THRAP3: variants seen among roughly 807,000 people sequenced by gnomAD.
THRAP3 encodes the protein thyroid hormone receptor-associated protein 3.
THRAP3 carries 16 observed loss-of-function variants against 101.0 expected under a neutral mutation model. The observed-to-expected ratio is 0.16, with a 90% CI of 0.11 to 0.24. The LOEUF is 0.24. THRAP3 is among the 10% of genes least tolerant of loss of function. The pLI is 1.00. For synonymous variants in THRAP3, 407 were observed against 422.6 expected (o/e 0.96, Z 0.45); for missense variants, 989 against 1,202.7 (o/e 0.82, Z 2.63).
At chr1:36,274,371 C>T (rs1223420479) in intron 2 of THRAP3, among the ~76,000 whole-genome samples, 6 of 152,162 alleles carry the variant, frequency 3.9e-5, no homozygotes, top group African/African-American at 7.2e-5. Context: ...ATTCAGCACA[C>T]ACACTGTCAA....
intron 2 of THRAP3, among the ~76,000 whole-genome samples, chr1:36,273,234 G>A (rs1264022870): frequency 6.6e-6 from 1 of 152,220 alleles, no homozygotes; most frequent in Non-Finnish European, 1.5e-5. Flanking sequence ...AAAGCATGCT[G>A]TCTTCTCAGC....
intron 2 of THRAP3, among the ~76,000 whole-genome samples, chr1:36,277,856 T>C (rs1645680987): frequency 6.6e-6 from 1 of 151,980 alleles, no homozygotes; most frequent in African/African-American, 2.4e-5. Context: ...GCCCCCCAGG[T>C]TCAGTCGATT....
At chr1:36,267,240 G>T (rs1316565574) in intron 2 of THRAP3, among the ~76,000 whole-genome samples, 1 of 152,170 alleles carries the variant, frequency 6.6e-6, no homozygotes, top group Non-Finnish European at 1.5e-5. Flanking sequence ...CACAGTGTAT[G>T]TGTATGTGTG....
chr1:36,238,266 G>T lies in THRAP3; in HGVS notation c.-135+13761G>T, dbSNP rs530332346. Among the ~76,000 whole-genome samples, 3 of 152,234 alleles carry T rather than the reference G, an allele frequency of 2.0e-5. No homozygotes were observed. The South Asian group carries it at 6.2e-4, about 32-fold the overall frequency. ...TTATATGGGTAAAACATCGTGCTCA[G>T]CCTGAACTAGAATTTAGATTAAGTA... On this transcript the variant is annotated intron_variant, in intron 1 of 11. Coordinates refer to ENST00000354618, the MANE Select transcript of THRAP3 (RefSeq NM_005119.4).
intron 2 of THRAP3, among the ~76,000 whole-genome samples, chr1:36,259,983 C>T (rs1051498779): frequency 3.9e-5 from 6 of 152,100 alleles, no homozygotes; most frequent in Non-Finnish European, 8.8e-5. Flanking sequence ...TGGCTCCTGA[C>T]TGTAATCCCA....
intron 2 of THRAP3, among the ~76,000 whole-genome samples, chr1:36,277,239 G>A (rs990599605): frequency 6.6e-6 from 1 of 151,962 alleles, no homozygotes; most frequent in Non-Finnish European, 1.5e-5. Flanking sequence ...AAAGTGCTGG[G>A]ATTGCAGGCA....
chr1:36,223,423 A>G (rs1357550512), upstream of THRAP3, among the ~76,000 whole-genome samples: 1 of 152,212 alleles, frequency 6.6e-6, no homozygotes, highest in Non-Finnish European at 1.5e-5. Flanking sequence ...CGGCTCTCAA[A>G]GAGCTCACAG....
At chr1:36,252,927 CATATATATATAT>C (rs71053916) in intron 1 of THRAP3, among the ~76,000 whole-genome samples, 1,552 of 76,570 alleles carry the variant, frequency 0.02, 24 homozygotes, top group African/African-American at 0.036. Flanking sequence ...TATAGATAGG[CATATATATATAT>C]ATATATATAT....
the THRAP3 span, among the ~76,000 whole-genome samples, chr1:36,210,728 T>TC: frequency 9.1e-5 from 9 of 98,950 alleles, no homozygotes; most frequent in African/African-American, 3.7e-4. Flanking sequence ...TATATATATA[T>TC]ATATATATCA....
At chr1:36,247,176 G>C (rs1383926207) in intron 1 of THRAP3, among the ~76,000 whole-genome samples, 1 of 152,172 alleles carries the variant, frequency 6.6e-6, no homozygotes, top group African/African-American at 2.4e-5. Flanking sequence ...AATTAGCTGT[G>C]TGTGGTGGTG....
At chr1:36,265,946 G>C (rs1027426941) in intron 2 of THRAP3, among the ~76,000 whole-genome samples, 1 of 152,000 alleles carries the variant, frequency 6.6e-6, no homozygotes, top group Non-Finnish European at 1.5e-5. Flanking sequence ...TTGAGGTCAG[G>C]AGTTTGAGAC....
At chr1:36,248,226 C>T (rs1488976150) in intron 1 of THRAP3, among the ~76,000 whole-genome samples, 1 of 151,914 alleles carries the variant, frequency 6.6e-6, no homozygotes, top group Non-Finnish European at 1.5e-5. Flanking sequence ...TCTTTCAGGC[C>T]TTCATTTTTG....
intron 9 of THRAP3, among the ~76,000 whole-genome samples, chr1:36,298,617 C>A (rs1645984384): frequency 6.6e-6 from 1 of 152,112 alleles, no homozygotes; most frequent in South Asian, 2.1e-4. Context: ...CTTCAGCCTT[C>A]CAACTAGGCT....
intron 1 of THRAP3, among the ~76,000 whole-genome samples, chr1:36,231,042 C>T (rs1481049115): frequency 1.3e-5 from 2 of 152,112 alleles, no homozygotes; most frequent in African/African-American, 2.4e-5. Context: ...CTATTTTATA[C>T]CTTTCTATTA....
At chr1:36,218,210 A>T in the THRAP3 span, among the ~76,000 whole-genome samples, 7,709 of 151,540 alleles carry the variant, frequency 0.051, 636 homozygotes, top group African/African-American at 0.17. Context: ...GCTAAAAAAA[A>T]ATATATAAAT....
chr1:36,220,923 T>C (rs1308521262), upstream of THRAP3, among the ~76,000 whole-genome samples: 2 of 122,280 alleles, frequency 1.6e-5, no homozygotes, highest in Non-Finnish European at 3.2e-5. Context: ...ACTACTGCAC[T>C]CCAGCCCAGG....
intron 1 of THRAP3, among the ~76,000 whole-genome samples, chr1:36,241,479 C>T (rs945857106): frequency 6.8e-6 from 1 of 147,914 alleles, no homozygotes; most frequent in Non-Finnish European, 1.5e-5. Flanking sequence ...GTCATGTTTA[C>T]CAGCAGAAAT....
chr1:36,299,108 A>G (rs761487043), intron 9 of THRAP3, among the ~76,000 whole-genome samples: 4 of 151,256 alleles, frequency 2.6e-5, no homozygotes, highest in Non-Finnish European at 2.9e-5. Context: ...CTTTTTTTAT[A>G]TAACTGAAGA....
chr1:36,299,192 G>A (rs966107243), intron 9 of THRAP3, among the ~76,000 whole-genome samples: 1 of 152,170 alleles, frequency 6.6e-6, no homozygotes, highest in Admixed American at 6.5e-5. Context: ...TGTAATCCCA[G>A]CACTTTGGGA....
Sources: gnomAD v4.1 joint callset for allele counts (sites outside exome capture counted in the v4.1 genomes callset) on GRCh38, gnomAD v4.1.1 for gene constraint, MANE v1.5 for transcripts, NCBI Gene and HGNC (gene_info 2026-07-23, HGNC 2026-07-21) for gene names.